The following EXOC4 variants were observed in gnomAD, a reference collection of about 807,000 sequenced individuals.
EXOC4 encodes the protein exocyst complex component 4.
Under a neutral mutation model 107.2 loss-of-function variants are expected in EXOC4, and 71 were observed. The observed-to-expected ratio is 0.66, with a 90% confidence interval of 0.55 to 0.81. EXOC4 has a LOEUF of 0.81. Among genes scored for constraint, EXOC4 ranks in the 30% least tolerant of loss-of-function variants. The pLI, the probability that EXOC4 is intolerant of heterozygous loss-of-function variation, is 0.00. For synonymous variants in EXOC4, 456 were observed against 441.2 expected (o/e 1.03, Z -0.42); for missense variants, 1,108 against 1,189.6 (o/e 0.93, Z 1.01).
intron 9 of EXOC4, chr7:133,576,808 A>G (rs1386005554): frequency 7.8e-7 from 1 of 1,289,564 alleles, no homozygotes; most frequent in Admixed American, 2.3e-5. Flanking sequence ...GTGCATGGCA[A>G]GTTTTACTGA....
At chr7:133,430,702 T>A (rs1797836707) in intron 7 of EXOC4, among the ~76,000 whole-genome samples, 1 of 152,214 alleles carries the variant, frequency 6.6e-6, no homozygotes, top group Non-Finnish European at 1.5e-5. Context: ...TTTTCCAAAT[T>A]AGCTGTACCA....
intron 11 of EXOC4, among the ~76,000 whole-genome samples, chr7:133,846,975 A>T (rs1798140627): frequency 6.6e-6 from 1 of 152,220 alleles, no homozygotes; most frequent in Admixed American, 6.5e-5. Flanking sequence ...GTTACATGGG[A>T]TAATTTAATT....
chr7:133,947,176 A>G (rs912457384), intron 14 of EXOC4, among the ~76,000 whole-genome samples: 2 of 152,188 alleles, frequency 1.3e-5, no homozygotes, highest in Non-Finnish European at 1.5e-5. Context: ...TGATCTGATG[A>G]ACTTGAAGTT....
chr7:133,440,975 G>T (rs2150791136), intron 7 of EXOC4, among the ~76,000 whole-genome samples: 1 of 126,384 alleles, frequency 7.9e-6, no homozygotes, highest in Non-Finnish European at 1.6e-5. Flanking sequence ...TATTTCTTGT[G>T]TGAGATCCAA....
chr7:133,706,130 G>A (rs996019648), intron 10 of EXOC4, among the ~76,000 whole-genome samples: 1 of 152,132 alleles, frequency 6.6e-6, no homozygotes, highest in Non-Finnish European at 1.5e-5. Context: ...CCCTCCCAGC[G>A]AGTTTGAATT....
chr7:133,371,459 C>T lies in EXOC4; in HGVS notation c.1008-3369C>T, dbSNP rs6974328. Among the ~76,000 whole-genome samples, 4 of 151,860 alleles carry T rather than the reference C, an allele frequency of 2.6e-5. No homozygotes were observed. The South Asian group carries it at 8.3e-4, about 32-fold the overall frequency. The stretch of plus-strand genomic sequence containing the variant: ...TTTGTGTCTCTATAAATTTGCCTAT[C>T]CTGAATATTTTATATAACTATAATC... On this transcript the variant is annotated intron_variant, in intron 6 of 17. Coordinates refer to ENST00000253861, the MANE Select transcript of EXOC4 (RefSeq NM_021807.4).
intron 9 of EXOC4, among the ~76,000 whole-genome samples, chr7:133,498,779 C>T (rs1799525398): frequency 6.6e-6 from 1 of 152,068 alleles, no homozygotes; most frequent in African/African-American, 2.4e-5. Context: ...CTCAATATGC[C>T]TAATAAAGTT....
intron 17 of EXOC4, among the ~76,000 whole-genome samples, chr7:134,042,479 A>C (rs1462151087): frequency 2.2e-5 from 1 of 45,144 alleles, no homozygotes; most frequent in Non-Finnish European, 6.4e-5. Context: ...CATGCTAGGA[A>C]AAAAAAAAAA....
intron 7 of EXOC4, among the ~76,000 whole-genome samples, chr7:133,420,018 G>C (rs1797567228): frequency 1.5e-5 from 2 of 134,294 alleles, no homozygotes; most frequent in African/African-American, 5.6e-5. Flanking sequence ...TGTGCACATT[G>C]TGCAGGTTAG....
intron 7 of EXOC4, among the ~76,000 whole-genome samples, chr7:133,382,153 G>A (rs186223542): frequency 1.2e-3 from 177 of 152,296 alleles, no homozygotes; most frequent in Non-Finnish European, 2.0e-3. Context: ...TTGTAGGCTA[G>A]TGGAGAGTCT....
At chr7:133,689,216 C>T (rs1351055328) in intron 10 of EXOC4, among the ~76,000 whole-genome samples, 1 of 152,102 alleles carries the variant, frequency 6.6e-6, no homozygotes, top group Non-Finnish European at 1.5e-5. Context: ...CCTCTTACAT[C>T]TGTTTACTCT....
At chr7:133,600,888 A>G (rs1475282379) in intron 9 of EXOC4, among the ~76,000 whole-genome samples, 3 of 152,148 alleles carry the variant, frequency 2.0e-5, no homozygotes, top group East Asian at 1.9e-4. Flanking sequence ...TGAAGTGTCT[A>G]TCTTGTTTTC....
chr7:134,060,208 A>T (rs1796024466), intron 17 of EXOC4, among the ~76,000 whole-genome samples: 1 of 152,204 alleles, frequency 6.6e-6, no homozygotes, highest in Non-Finnish European at 1.5e-5. Flanking sequence ...CTATCTGCTT[A>T]TAATACTTTG....
intron 11 of EXOC4, among the ~76,000 whole-genome samples, chr7:133,856,875 C>T (rs62470397): frequency 0.87 from 131,753 of 150,734 alleles, 57,704 homozygotes; most frequent in East Asian, 0.99. Context: ...CCAAGGCAGG[C>T]GGATCACGAG....
At chr7:134,093,009 T>C in the EXOC4 span, among the ~76,000 whole-genome samples, 1 of 151,670 alleles carries the variant, frequency 6.6e-6, no homozygotes, top group Non-Finnish European at 1.5e-5. Flanking sequence ...CCTATGACTG[T>C]ATGGAGCAAA....
rs371332813 is a variant in EXOC4 at position 133,516,372 on chromosome 7, T to C, written c.1417+36234T>C. On this transcript the variant is annotated intron_variant, in intron 9 of 17. Transcript: ENST00000253861. ...ACTCCCTCTTCTTTCTTTTCTCCTCTAGTCTTAGGCAGACAAAATTATTCT... is the reference window on the plus strand; with the variant it reads ...ACTCCCTCTTCTTTCTTTTCTCCTCCAGTCTTAGGCAGACAAAATTATTCT... 1.2e-4 allele frequency among the ~76,000 whole-genome samples: 18 copies of C among 152,280 alleles called. No individual in the cohort carries two copies. In the South Asian group the frequency reaches 3.7e-3, roughly 32 times the overall value.
chr7:133,943,381 T>G (rs537256868), intron 14 of EXOC4, among the ~76,000 whole-genome samples: 2 of 152,310 alleles, frequency 1.3e-5, no homozygotes, highest in South Asian at 4.1e-4. Context: ...TGTTAACTAA[T>G]GCTAAAGGGA....
At chr7:133,260,912 G>A (rs1795136998) in intron 1 of EXOC4, among the ~76,000 whole-genome samples, 1 of 152,040 alleles carries the variant, frequency 6.6e-6, no homozygotes, top group African/African-American at 2.4e-5. Context: ...ATTAAAAAAT[G>A]CATTCTTTTT....
the EXOC4 span, among the ~76,000 whole-genome samples, chr7:134,085,769 T>C: frequency 6.6e-6 from 1 of 152,210 alleles, no homozygotes; most frequent in Non-Finnish European, 1.5e-5. Flanking sequence ...AGCAATGATT[T>C]AACATGTGGC....
Sources: gnomAD v4.1 joint callset for allele counts (sites outside exome capture counted in the v4.1 genomes callset) on GRCh38, gnomAD v4.1.1 for gene constraint, MANE v1.5 for transcripts, NCBI Gene and HGNC (gene_info 2026-07-23, HGNC 2026-07-21) for gene names.